Variants in PAX2 observed in about 807,000 individuals in gnomAD.
PAX2 encodes paired box protein Pax-2.
In PAX2, 9 loss-of-function variants were observed where a neutral mutation model predicts 41.7. That is an observed-to-expected ratio of 0.22 (90% CI 0.13 to 0.38). PAX2 has a LOEUF of 0.38. Ranked by LOEUF, PAX2 falls within the 10% of genes least tolerant of loss-of-function variation. The pLI is 1.00. For missense variants in PAX2, 418 were observed against 531.6 expected (o/e 0.79, Z 2.10); for synonymous variants, 221 against 212.7 (o/e 1.04, Z -0.34).
intron 5 of PAX2, among the ~76,000 whole-genome samples, chr10:100,789,448 G>A (rs1442134574): frequency 6.6e-6 from 1 of 152,146 alleles, no homozygotes; most frequent in African/African-American, 2.4e-5. Flanking sequence ...GTGGATTATT[G>A]GTGGGATTCT....
intron 3 of PAX2, among the ~76,000 whole-genome samples, chr10:100,776,298 C>T (rs747983935): frequency 2.0e-5 from 3 of 152,216 alleles, no homozygotes; most frequent in Non-Finnish European, 2.9e-5. Flanking sequence ...CTGCTCCAGT[C>T]GCTTTGCTGA....
chr10:100,742,222 G>A (rs1844979370), upstream of PAX2, among the ~76,000 whole-genome samples: 1 of 152,220 alleles, frequency 6.6e-6, no homozygotes. Flanking sequence ...GGGTGGCAGC[G>A]GGGCAGCGGG....
At chr10:100,756,649 A>C (rs1271686663) in intron 3 of PAX2, among the ~76,000 whole-genome samples, 3 of 152,222 alleles carry the variant, frequency 2.0e-5, no homozygotes, top group Non-Finnish European at 4.4e-5. Flanking sequence ...TTCAGCTTAC[A>C]ATATTTTCAA....
exon 1 of PAX2, chr10:100,735,528 G>C (rs12268880): frequency 0.81 from 267,957 of 332,492 alleles, 108,505 homozygotes; most frequent in East Asian, 1. Context: ...GAGAGCGGGC[G>C]CGGGCGGAGC....
At chr10:100,792,995 G>T (rs10883543) in intron 5 of PAX2, among the ~76,000 whole-genome samples, 139,477 of 152,260 alleles carry the variant, frequency 0.92, 63,928 homozygotes, top group East Asian at 1. Flanking sequence ...CTTCATAAAT[G>T]CAAGCAGTTT....
rs569655570 is a variant in PAX2 at position 100,784,570 on chromosome 10, C to T, written c.616+3205C>T. 4.6e-5 allele frequency among the ~76,000 whole-genome samples: 7 copies of T among 152,268 alleles called. No homozygotes were observed. In the South Asian group the frequency reaches 6.2e-4, roughly 14 times the overall value. ...CTCCTCTTTTGCTCTGGGTACAGTT[C>T]GGCCTATTCTTCAGCTCTAACAATG... is the stretch of plus-strand genomic sequence containing the variant. On this transcript the variant is annotated intron_variant, in intron 5 of 9. Transcript: ENST00000355243.
rs1848456585 is a variant in PAX2, at chr10:100,824,051, C to T, written c.920-597C>T. Reference sequence around the variant, plus strand: ...ATGTAAATGCCATAAACACTAACAGCAAAATAGCCCACTGGCTGCCCCCCT... The same window carrying T: ...ATGTAAATGCCATAAACACTAACAGTAAAATAGCCCACTGGCTGCCCCCCT... On this transcript the variant is annotated intron_variant, in intron 7 of 9. Coordinates refer to ENST00000355243, the MANE Select transcript of PAX2 (RefSeq NM_000278.5). The surrounding 1 kb of genome is among the most constrained non-coding windows in gnomAD (Gnocchi z 6.6). 6.6e-6 allele frequency among the ~76,000 whole-genome samples: 1 copy of T among 152,118 alleles called. No homozygotes were observed. Among genetic ancestry groups the T allele is most frequent in the Admixed American group, 6.5e-5 (1 of 15,278 alleles).
At chr10:100,790,750 G>A (rs751549349) in intron 5 of PAX2, among the ~76,000 whole-genome samples, 11 of 152,146 alleles carry the variant, frequency 7.2e-5, no homozygotes, top group East Asian at 3.9e-4. Flanking sequence ...ATTGCTGCCC[G>A]CCCTGGAGCC....
chr10:100,795,098 C>T (rs1389182358), intron 5 of PAX2, among the ~76,000 whole-genome samples: 1 of 152,200 alleles, frequency 6.6e-6, no homozygotes, highest in African/African-American at 2.4e-5. Flanking sequence ...AACTACTGAG[C>T]CCAACAGCCA....
chr10:100,745,923 C>T lies in PAX2; in HGVS notation c.-338C>T. ...GGAGCTGAGCGAGTCGCCTCCCCCG[C>T]CCAGCTTCAGCCCTGGCTGCAGCTG... On this transcript the variant is annotated 5_prime_UTR_variant, in exon 1 of 10. Transcript: ENST00000355243. 1.6e-6 allele frequency: 2 copies of T among 1,223,836 alleles called. No individual in the cohort carries two copies. Among genetic ancestry groups the T allele is most frequent in the Non-Finnish European group, 2.0e-6 (2 of 979,656 alleles). The allele number at this position is 1,223,836 out of a possible 1,614,324, so 75.8% of individuals were successfully genotyped here.
At chr10:100,795,319 A>T (rs1033557653) in intron 5 of PAX2, among the ~76,000 whole-genome samples, 3 of 152,228 alleles carry the variant, frequency 2.0e-5, no homozygotes, top group Non-Finnish European at 4.4e-5. Context: ...TGACCTCAAG[A>T]AACTTACAAT....
Position 100,827,865 on chromosome 10 carries a change from G to T in PAX2, c.*246G>T, listed in dbSNP as rs1848641755. On this transcript the variant is annotated 3_prime_UTR_variant, in exon 10 of 10. Coordinates refer to ENST00000355243, the MANE Select transcript of PAX2 (RefSeq NM_000278.5). This position sits in a 1 kb window ranked among gnomAD's most constrained non-coding sequence, Gnocchi z 8.5. ...CCCGCCGCCCCCAGCCCCGCCTGCC[G>T]CCCCTCCCCGCCTGCCTGGACTGCG... is the stretch of plus-strand genomic sequence containing the variant. 3.7e-6 allele frequency: 2 copies of T among 537,912 alleles called. No homozygotes were observed. The highest frequency in any genetic ancestry group is 6.8e-5 in the Admixed American group (2 of 29,474). The allele number at this position is 537,912 out of a possible 1,614,324, so 33.3% of individuals were successfully genotyped here. A position where few individuals can be genotyped will look rare whatever the true frequency, so the allele number is the denominator to read the frequency against.
chr10:100,800,390 C>A (rs142558841), intron 5 of PAX2, among the ~76,000 whole-genome samples: 1 of 151,334 alleles, frequency 6.6e-6, no homozygotes, highest in East Asian at 2.0e-4. Context: ...GCAATACTCC[C>A]GCCTCAGCCT....
At chr10:100,777,638 A>T (rs967260544) in intron 3 of PAX2, among the ~76,000 whole-genome samples, 2 of 149,840 alleles carry the variant, frequency 1.3e-5, no homozygotes, top group African/African-American at 4.9e-5. Flanking sequence ...CAGGTGGTCC[A>T]CCCGCCTTGG....
upstream of PAX2, among the ~76,000 whole-genome samples, chr10:100,742,022 CT>C (rs1844973174): frequency 6.6e-6 from 1 of 152,204 alleles, no homozygotes; most frequent in Admixed American, 6.5e-5. Context: ...CCGCGGCCCC[CT>C]CCGTCTCACC....
At chr10:100,760,638 G>A (rs1419298362) in intron 3 of PAX2, among the ~76,000 whole-genome samples, 1 of 152,212 alleles carries the variant, frequency 6.6e-6, no homozygotes, top group Non-Finnish European at 1.5e-5. Context: ...AAGGGAGCAT[G>A]TATTTAGGTA....
chr10:100,756,243 C>T (rs2133848273), intron 3 of PAX2, among the ~76,000 whole-genome samples: 1 of 152,260 alleles, frequency 6.6e-6, no homozygotes, highest in South Asian at 2.1e-4. Context: ...GTCCTGCTTC[C>T]CAGTCTTCTT....
intron 5 of PAX2, among the ~76,000 whole-genome samples, chr10:100,789,160 G>C (rs1219200858): frequency 6.6e-6 from 1 of 152,174 alleles, no homozygotes; most frequent in East Asian, 1.9e-4. Context: ...AAGCTGGAGA[G>C]CAATGGCAAG....
At chr10:100,789,896 T>G (rs1467891038) in intron 5 of PAX2, among the ~76,000 whole-genome samples, 1 of 152,162 alleles carries the variant, frequency 6.6e-6, no homozygotes, top group Non-Finnish European at 1.5e-5. Flanking sequence ...CAGAGGTAGG[T>G]GTAGGTTCTG....
Sources: allele counts gnomAD v4.1 joint callset (sites outside exome capture counted in the v4.1 genomes callset), GRCh38; gene constraint gnomAD v4.1.1; non-coding constraint Gnocchi (gnomAD v3.1); transcripts MANE v1.5; gene names NCBI Gene and HGNC (gene_info 2026-07-23, HGNC 2026-07-21).